Variants in GRTP1 observed in about 807,000 individuals in gnomAD.
GRTP1 encodes the protein growth hormone regulated TBC protein 1.
In GRTP1, 56 loss-of-function variants were observed where a neutral mutation model predicts 38.1. That is an observed-to-expected ratio of 1.47 (90% CI 1.19 to 1.84). The LOEUF is 1.84. GRTP1 is among the 40% of genes most tolerant of loss of function. GRTP1 has a pLI of 0.00. For missense variants in GRTP1, 506 were observed against 453.9 expected, an observed-to-expected ratio of 1.11 and a Z score of -1.04; for synonymous variants, 217 against 189.5, an observed-to-expected ratio of 1.14 and a Z score of -1.19.
chr13:113,329,602 A>G (rs892779070), intron 5 of GRTP1, among the ~76,000 whole-genome samples: 1 of 149,950 alleles, frequency 6.7e-6, no homozygotes, highest in African/African-American at 2.4e-5. Flanking sequence ...AAAAATAAAA[A>G]TAAAAATAAA....
intron 2 of GRTP1, among the ~76,000 whole-genome samples, chr13:113,363,421 G>A (rs570246410): frequency 1.3e-5 from 2 of 152,242 alleles, no homozygotes; most frequent in African/African-American, 4.8e-5. Context: ...TGGTCAGGCT[G>A]GTCTCAAACT....
chr13:113,325,502 C>A (rs765786107), intron 7 of GRTP1, 159 bp downstream of exon 7: 2 of 1,484,376 alleles, frequency 1.3e-6, no homozygotes, highest in South Asian at 2.7e-5. Context: ...GGAGGCCAGG[C>A]GCAGGGGGCA....
chr13:113,354,953 A>G (rs2043354504), intron 3 of GRTP1, among the ~76,000 whole-genome samples: 2 of 152,344 alleles, frequency 1.3e-5, no homozygotes, highest in South Asian at 2.1e-4. Flanking sequence ...ACAAAAAAGG[A>G]AGCCCTGGTG....
intron 5 of GRTP1, among the ~76,000 whole-genome samples, chr13:113,333,106 CGAG>C (rs2042900347): frequency 6.6e-6 from 1 of 152,232 alleles, no homozygotes; most frequent in Non-Finnish European, 1.5e-5. Context: ...CAGGAAATTT[CGAG>C]GAGAGGGGCC....
At chr13:113,324,602 AAAC>A in intron 7 of GRTP1, 25 bp from the exon 8 acceptor site, 1 of 1,578,018 alleles carries the variant, frequency 6.3e-7, no homozygotes, top group African/African-American at 1.4e-5. Flanking sequence ...GTTAGTTTAA[AAAC>A]AAACCCAACA....
chr13:113,346,164 G>GAGA (rs1566429399), intron 4 of GRTP1, among the ~76,000 whole-genome samples: 11 of 137,444 alleles, frequency 8.0e-5, no homozygotes, highest in African/African-American at 2.3e-4. Flanking sequence ...CTCTGTGCCT[G>GAGA]ACAGTGGACC....
At chr13:113,333,854 T>TA (rs1566418707) in intron 5 of GRTP1, among the ~76,000 whole-genome samples, 120 of 131,216 alleles carry the variant, frequency 9.1e-4, no homozygotes, top group African/African-American at 3.3e-3. Context: ...TGTGTGTGTG[T>TA]GTGTGTGTGT....
intron 5 of GRTP1, among the ~76,000 whole-genome samples, chr13:113,344,638 G>A (rs1336137743): frequency 1.3e-5 from 2 of 150,616 alleles, no homozygotes; most frequent in South Asian, 2.1e-4. Context: ...ACTTGAACCC[G>A]GGAGGCAGAG....
intron 3 of GRTP1, 86 bp downstream of exon 3, chr13:113,355,237 C>T: frequency 6.9e-7 from 1 of 1,440,564 alleles, no homozygotes; most frequent in Admixed American, 1.9e-5. Context: ...CCGCTCACCC[C>T]TGGACGCTGA....
chr13:113,324,890 G>A (rs890106977), intron 7 of GRTP1: 186 of 827,584 alleles, frequency 2.2e-4, no homozygotes, highest in Admixed American at 1.3e-3. Flanking sequence ...GCAGTGGCGC[G>A]ATCTCGGCTC....
intron 5 of GRTP1, among the ~76,000 whole-genome samples, chr13:113,337,283 T>A (rs910009152): frequency 5.9e-5 from 9 of 152,116 alleles, no homozygotes; most frequent in African/African-American, 2.2e-4. Flanking sequence ...AACAGTGAGA[T>A]CCTGTATCCA....
intron 5 of GRTP1, 73 bp downstream of exon 5, chr13:113,344,790 T>C: frequency 7.1e-7 from 1 of 1,399,730 alleles, no homozygotes; most frequent in Non-Finnish European, 9.6e-7. Context: ...TAAATTTTGA[T>C]TTCTCAGCGG....
chr13:113,352,368 A>ATATATT (rs1566438121), intron 3 of GRTP1, among the ~76,000 whole-genome samples: 6 of 130,662 alleles, frequency 4.6e-5, no homozygotes, highest in African/African-American at 5.8e-5. Flanking sequence ...TTTTATATAT[A>ATATATT]TATATATATT....
chr13:113,337,926 T>C (rs1244668568), intron 5 of GRTP1, among the ~76,000 whole-genome samples: 4 of 152,250 alleles, frequency 2.6e-5, no homozygotes, highest in Admixed American at 2.6e-4. Flanking sequence ...TCGGTCCACA[T>C]CTCAGCCAGT....
chr13:113,346,156 C>T (rs2043115807), intron 4 of GRTP1, among the ~76,000 whole-genome samples: 24 of 146,276 alleles, frequency 1.6e-4, no homozygotes, highest in Admixed American at 2.7e-4. Flanking sequence ...GGGAGGACCT[C>T]TGTGCCTGAC....
intron 2 of GRTP1, among the ~76,000 whole-genome samples, chr13:113,363,253 G>A (rs924379023): frequency 7.2e-5 from 11 of 152,244 alleles, no homozygotes; most frequent in African/African-American, 2.4e-4. Flanking sequence ...TGTCGCCCAG[G>A]CTGGAGTGCA....
At chr13:113,335,693 C>T (rs545564401) in intron 5 of GRTP1, among the ~76,000 whole-genome samples, 1 of 152,190 alleles carries the variant, frequency 6.6e-6, no homozygotes, top group Non-Finnish European at 1.5e-5. Flanking sequence ...ATTTAGCGCC[C>T]ACATGTGGGT....
chr13:113,331,504 C>G (rs1431478809), intron 5 of GRTP1, among the ~76,000 whole-genome samples: 2 of 152,140 alleles, frequency 1.3e-5, no homozygotes, highest in African/African-American at 4.8e-5. Flanking sequence ...CAGCTGCGCA[C>G]CCCCACTGCC....
intron 2 of GRTP1, among the ~76,000 whole-genome samples, chr13:113,362,456 A>G (rs1311274806): frequency 6.6e-6 from 1 of 152,190 alleles, no homozygotes; most frequent in Non-Finnish European, 1.5e-5. Flanking sequence ...CATATAGGAT[A>G]TTAACTTCCA....
Sources: allele counts gnomAD v4.1 joint callset (sites outside exome capture counted in the v4.1 genomes callset), GRCh38; gene constraint gnomAD v4.1.1; transcripts MANE v1.5; gene names NCBI Gene and HGNC (gene_info 2026-07-23, HGNC 2026-07-21).